The following NPAS2 variants were observed in gnomAD, a reference collection of about 807,000 sequenced individuals.
The protein encoded by NPAS2 is neuronal PAS domain protein 2.
A neutral mutation model predicts 107.5 loss-of-function variants in NPAS2; 23 were observed. The observed-to-expected ratio is 0.21, with a 90% CI of 0.15 to 0.30. NPAS2 has a LOEUF of 0.30. NPAS2 is among the 10% of genes least tolerant of loss of function. NPAS2 has a pLI of 1.00. For synonymous variants in NPAS2, 403 were observed against 417.5 expected, an observed-to-expected ratio of 0.97 and a Z score of 0.42; for missense variants, 756 against 1,043.3, an observed-to-expected ratio of 0.72 and a Z score of 3.79.
chr2:100,936,815 C>T (rs139865904), intron 4 of NPAS2, among the ~76,000 whole-genome samples: 1 of 151,678 alleles, frequency 6.6e-6, no homozygotes, highest in Non-Finnish European at 1.5e-5. Context: ...AACCCTGTCT[C>T]TACTAAAAAT....
chr2:100,865,244 A>G (rs1679180334), intron 1 of NPAS2, among the ~76,000 whole-genome samples: 1 of 152,214 alleles, frequency 6.6e-6, no homozygotes, highest in South Asian at 2.1e-4. Flanking sequence ...AAGAACCCTG[A>G]ACTCAACTAC....
chr2:100,926,839 T>C (rs1683596163), intron 3 of NPAS2, among the ~76,000 whole-genome samples: 1 of 152,172 alleles, frequency 6.6e-6, no homozygotes, highest in Non-Finnish European at 1.5e-5. Flanking sequence ...TACTTGTGCT[T>C]GAGGCATTCT....
In NPAS2 at chr2:100,965,048, A is replaced by AG; in HGVS notation, c.800+107dup. 1 of 705,544 alleles carries AG rather than the reference A, an allele frequency of 1.4e-6. No individual in the cohort carries two copies. The highest frequency in any genetic ancestry group is 2.1e-5 in the South Asian group (1 of 47,264). 43.7% of individuals were successfully genotyped at this position (705,544 alleles called of 1,614,324 possible). A position where few individuals can be genotyped will look rare whatever the true frequency, so the allele number is the denominator to read the frequency against. ...AGAGTCGGCCCTGGTCCATTGAAAGAGGAGGACTCTCTGGCACTAGGAAAA... is the reference window on the plus strand; with the variant it reads ...AGAGTCGGCCCTGGTCCATTGAAAGAGGGAGGACTCTCTGGCACTAGGAAAA... On this transcript the variant is annotated intron_variant, in intron 9 of 20. Coordinates refer to ENST00000335681, the MANE Select transcript of NPAS2 (RefSeq NM_002518.4). This position sits in a 1 kb window ranked among gnomAD's most constrained non-coding sequence, Gnocchi z 4.3.
chr2:100,965,029 G>A lies in NPAS2; in HGVS notation c.800+86G>A, dbSNP rs189767993. The stretch of plus-strand genomic sequence containing the variant: ...AGGCTCTCCTTGGGAGAGAAGAGTC[G>A]GCCCTGGTCCATTGAAAGAGGAGGA... On this transcript the variant is annotated intron_variant, in intron 9 of 20. Coordinates refer to ENST00000335681, the MANE Select transcript of NPAS2 (RefSeq NM_002518.4). The surrounding 1 kb of genome is among the most constrained non-coding windows in gnomAD (Gnocchi z 4.3). 282 of 873,936 alleles carry A rather than the reference G, an allele frequency of 3.2e-4. No individual in the cohort carries two copies. In the African/African-American group the frequency reaches 4.4e-3, roughly 14 times the overall value. The allele number at this position is 873,936 out of a possible 1,614,324, so 54.1% of individuals were successfully genotyped here. A position where few individuals can be genotyped will look rare whatever the true frequency, so the allele number is the denominator to read the frequency against.
intron 1 of NPAS2, among the ~76,000 whole-genome samples, chr2:100,837,154 C>G (rs896700454): frequency 1.3e-5 from 2 of 152,058 alleles, no homozygotes; most frequent in Non-Finnish European, 2.9e-5. Flanking sequence ...AAAGCAGAAG[C>G]CTGAATTCAC....
intron 7 of NPAS2, among the ~76,000 whole-genome samples, chr2:100,952,713 G>A (rs568443091): frequency 1.3e-5 from 2 of 151,956 alleles, no homozygotes; most frequent in East Asian, 3.9e-4. Context: ...ACCACATCTT[G>A]GAGGATTTCA....
chr2:100,861,693 A>G (rs1678950633), intron 1 of NPAS2, among the ~76,000 whole-genome samples: 1 of 152,188 alleles, frequency 6.6e-6, no homozygotes, highest in Admixed American at 6.5e-5. Flanking sequence ...CAGGTATTGA[A>G]TCAGGCTGTC....
At chr2:100,982,888 G>A (rs1378857026) in intron 16 of NPAS2, 1 of 153,054 alleles carries the variant, frequency 6.5e-6, no homozygotes, top group Non-Finnish European at 1.5e-5. Flanking sequence ...CCCATTTGTG[G>A]TGTGCCAGCA....
intron 1 of NPAS2, among the ~76,000 whole-genome samples, chr2:100,898,684 C>T (rs543326375): frequency 6.6e-6 from 1 of 151,832 alleles, no homozygotes; most frequent in Non-Finnish European, 1.5e-5. Flanking sequence ...GATACAGGTT[C>T]ACTCATTATA....
At chr2:100,886,850 A>T (rs1276483468) in intron 1 of NPAS2, among the ~76,000 whole-genome samples, 3 of 152,242 alleles carry the variant, frequency 2.0e-5, no homozygotes, top group Non-Finnish European at 4.4e-5. Flanking sequence ...GTTCTTAAAA[A>T]TGCCAAAGAC....
chr2:100,867,568 T>C (rs1679330838), intron 1 of NPAS2, among the ~76,000 whole-genome samples: 2 of 152,216 alleles, frequency 1.3e-5, no homozygotes, highest in Admixed American at 1.3e-4. Flanking sequence ...CTCTTTAAGT[T>C]TTCTGTTTTT....
chr2:100,841,854 C>T (rs772099294), intron 1 of NPAS2, among the ~76,000 whole-genome samples: 2 of 152,136 alleles, frequency 1.3e-5, no homozygotes, highest in Admixed American at 6.5e-5. Context: ...ACATGCACAG[C>T]GTATACACAT....
chr2:100,993,897 T>C (rs1678290534), intron 20 of NPAS2: 1 of 199,018 alleles, frequency 5.0e-6, no homozygotes, highest in African/African-American at 2.3e-5. Flanking sequence ...TAAAGTCCTA[T>C]ATAAACATAA....
At chr2:100,949,568 G>T in intron 7 of NPAS2, 88 bp downstream of exon 7, 1 of 760,602 alleles carries the variant, frequency 1.3e-6, no homozygotes, top group East Asian at 2.6e-5. Flanking sequence ...CAGGGAGGAG[G>T]AGGGAGAACG....
intron 12 of NPAS2, among the ~76,000 whole-genome samples, chr2:100,971,299 A>AC (rs1491541699): frequency 8.9e-5 from 1 of 11,210 alleles, no homozygotes; most frequent in African/African-American, 7.0e-4. Context: ...ACTCTATCTC[A>AC]AAAAAAAAAA....
rs2104293878 is a variant in NPAS2, at chr2:100,820,802, C to G, written c.-23+388C>G. Among the ~76,000 whole-genome samples, 1 of 152,258 alleles carries G rather than the reference C, an allele frequency of 6.6e-6. No homozygotes were observed. Among genetic ancestry groups the G allele is most frequent in the East Asian group, 1.9e-4 (1 of 5,136 alleles). Reference sequence around the variant, plus strand: ...GGATTGCCCGTGGTTGTCTTCGAGACCCATCGCGCTACCCTCCGAAACGTC... The same window carrying G: ...GGATTGCCCGTGGTTGTCTTCGAGAGCCATCGCGCTACCCTCCGAAACGTC... On this transcript the variant is annotated intron_variant, in intron 1 of 20. Coordinates refer to ENST00000335681, the MANE Select transcript of NPAS2 (RefSeq NM_002518.4). This position sits in a 1 kb window ranked among gnomAD's most constrained non-coding sequence, Gnocchi z 5.6.
At chr2:100,850,039 C>CAAAAAAAAAAAAAAAAAAA (rs1491345726) in intron 1 of NPAS2, among the ~76,000 whole-genome samples, 3 of 40,608 alleles carry the variant, frequency 7.4e-5, no homozygotes, top group African/African-American at 2.2e-4. Flanking sequence ...AAAAAAAAAG[C>CAAAAAAAAAAAAAAAAAAA]AAGAGAAAAT....
chr2:100,995,861 C>T lies in NPAS2; in HGVS notation c.*279C>T, dbSNP rs180934728. On this transcript the variant is annotated 3_prime_UTR_variant, in exon 21 of 21. Coordinates refer to ENST00000335681, the MANE Select transcript of NPAS2 (RefSeq NM_002518.4). ...GGTGCCCCGTGTAGGCATCGTCGGT[C>T]GGTTTGCCGTCAGAGATGGCGCATC... 1,393 of 1,506,336 alleles carry T rather than the reference C, an allele frequency of 9.2e-4. No homozygotes were observed. Among genetic ancestry groups the T allele is most frequent in the African/African-American group, 4.7e-3 (337 of 72,338 alleles). The allele number at this position is 1,506,336 out of a possible 1,614,324, so 93.3% of individuals were successfully genotyped here. A position where few individuals can be genotyped will look rare whatever the true frequency, so the allele number is the denominator to read the frequency against.
intron 1 of NPAS2, among the ~76,000 whole-genome samples, chr2:100,894,165 A>G (rs1681258129): frequency 6.6e-6 from 1 of 152,250 alleles, no homozygotes; most frequent in Non-Finnish European, 1.5e-5. Context: ...AGAATGTTCT[A>G]AAGCCTTTGG....
Sources: gnomAD v4.1 joint callset for allele counts (sites outside exome capture counted in the v4.1 genomes callset) on GRCh38, gnomAD v4.1.1 for gene constraint, Gnocchi (gnomAD v3.1) non-coding constraint, MANE v1.5 for transcripts, NCBI Gene and HGNC (gene_info 2026-07-23, HGNC 2026-07-21) for gene names.